NBEAL1: variants seen among roughly 807,000 people sequenced by gnomAD.
NBEAL1 encodes the protein neurobeachin-like protein 1.
A neutral mutation model predicts 351.3 loss-of-function variants in NBEAL1; 273 were observed. The ratio of observed to expected loss-of-function variants is 0.78; its 90% CI spans 0.70 to 0.86. The LOEUF is 0.86. NBEAL1 is among the 40% of genes least tolerant of loss of function. NBEAL1 has a pLI of 0.00. For missense variants in NBEAL1, 2,961 were observed against 3,201.3 expected (o/e 0.92, Z 1.81); for synonymous variants, 1,050 against 1,086.4 (o/e 0.97, Z 0.66).
chr2:203,048,492 G>T (rs564692045), intron 3 of NBEAL1, among the ~76,000 whole-genome samples: 1 of 152,192 alleles, frequency 6.6e-6, no homozygotes, highest in East Asian at 1.9e-4. Context: ...AGGGAGGGAG[G>T]TATTCTCTGG....
At chr2:203,116,551 G>A (rs908238543) in intron 18 of NBEAL1, among the ~76,000 whole-genome samples, 4 of 151,240 alleles carry the variant, frequency 2.6e-5, no homozygotes, top group African/African-American at 9.7e-5. Flanking sequence ...CAGGTGGATC[G>A]TTTGAGGCCA....
intron 7 of NBEAL1, among the ~76,000 whole-genome samples, chr2:203,072,092 C>A (rs990682596): frequency 5.9e-5 from 9 of 152,206 alleles, no homozygotes; most frequent in African/African-American, 1.9e-4. Context: ...GAGGAAACAG[C>A]CTTGCCTCCT....
chr2:203,188,662 T>A, intron 45 of NBEAL1, 73 bp downstream of exon 45: 1 of 791,046 alleles, frequency 1.3e-6, no homozygotes, highest in Non-Finnish European at 2.0e-6. Flanking sequence ...TTACAGTTAT[T>A]TGAAGCCTAT....
At chr2:203,191,472 A>T in intron 46 of NBEAL1, 1 of 496,582 alleles carries the variant, frequency 2.0e-6, no homozygotes, top group South Asian at 3.3e-5. Flanking sequence ...ATGGAAATTA[A>T]TCTAATGGTA....
At chr2:203,194,963 C>T (rs1295344353) in intron 47 of NBEAL1, among the ~76,000 whole-genome samples, 3 of 151,986 alleles carry the variant, frequency 2.0e-5, no homozygotes, top group Admixed American at 1.3e-4. Flanking sequence ...TTTGGGAGGC[C>T]GAGACCGGCA....
At chr2:203,044,407 T>C (rs2061193697) in intron 3 of NBEAL1, among the ~76,000 whole-genome samples, 1 of 152,318 alleles carries the variant, frequency 6.6e-6, no homozygotes, top group South Asian at 2.1e-4. Context: ...AAGAATTTTA[T>C]AGAGTTAGGA....
rs563113810 is a variant in NBEAL1 at position 203,184,065 on chromosome 2, G to A, written c.6705+677G>A. Among the ~76,000 whole-genome samples the A allele has an allele frequency of 2.7e-3, 356 of 132,864 alleles. 1 individual carries two copies. Among genetic ancestry groups the A allele is most frequent in the Non-Finnish European group, 4.1e-3 (264 of 64,414 alleles). The allele number at this position is 132,864 out of a possible 152,430, so 87.2% of individuals were successfully genotyped here. On this transcript the variant is annotated intron_variant, in intron 44 of 55. Coordinates refer to ENST00000683969, the MANE Select transcript of NBEAL1 (RefSeq NM_001378026.1). ...TGCATTCCAGCCCAGGCGACAGAGCGAGACTGTCTAAAAAAAAAAAAAAAA... is the reference window on the plus strand; with the variant it reads ...TGCATTCCAGCCCAGGCGACAGAGCAAGACTGTCTAAAAAAAAAAAAAAAA...
intron 4 of NBEAL1, 40 bp from the exon 5 acceptor site, chr2:203,056,387 C>T (rs2061401992): frequency 1.8e-6 from 2 of 1,087,998 alleles, no homozygotes; most frequent in Non-Finnish European, 2.8e-6. Flanking sequence ...GTTTTGTTCA[C>T]CATTCTTATG....
rs550909332 is a variant in NBEAL1 at position 203,202,124 on chromosome 2, T to A, written c.7411+409T>A. On this transcript the variant is annotated intron_variant, in intron 50 of 55. Coordinates refer to ENST00000683969, the MANE Select transcript of NBEAL1 (RefSeq NM_001378026.1). ...AACTTGCTACTTCTTAGTGTATTAG[T>A]CTTCAATATAAGAATAAAACATTGA... Among the ~76,000 whole-genome samples the A allele has an allele frequency of 1.1e-4, 16 of 152,348 alleles. No individual in the cohort carries two copies. In the South Asian group the frequency reaches 3.3e-3, roughly 32 times the overall value.
At chr2:203,042,451 C>T (rs1162187194) in intron 3 of NBEAL1, among the ~76,000 whole-genome samples, 1 of 152,176 alleles carries the variant, frequency 6.6e-6, no homozygotes. Context: ...GGAAGCTCTT[C>T]AAGTTTTGGG....
At position 203,097,646 on chromosome 2, in the gene NBEAL1, C is replaced by A. The variant is rs760758089; in HGVS notation, c.1185+13C>A. 1 of 979,666 alleles carries A rather than the reference C, an allele frequency of 1.0e-6. No individual in the cohort carries two copies. 60.7% of individuals were successfully genotyped at this position (979,666 alleles called of 1,614,324 possible). A position where few individuals can be genotyped will look rare whatever the true frequency, so the allele number is the denominator to read the frequency against. Reference sequence around the variant, plus strand: ...GAATGAGGACCAGGTATCTACAAAGCCTGCATCTTGTTTCAGCTGAAGTCC... The same window carrying A: ...GAATGAGGACCAGGTATCTACAAAGACTGCATCTTGTTTCAGCTGAAGTCC... On this transcript the variant is annotated intron_variant, in intron 11 of 55. Coordinates refer to ENST00000683969, the MANE Select transcript of NBEAL1 (RefSeq NM_001378026.1).
chr2:203,148,906 C>A, intron 33 of NBEAL1, 85 bp from the exon 34 acceptor site: 2 of 1,253,664 alleles, frequency 1.6e-6, no homozygotes, highest in Non-Finnish European at 1.0e-6. Context: ...TTTTATTGGT[C>A]AAAAATTTTA....
At chr2:203,187,520 AC>A (rs2064939022) in intron 44 of NBEAL1, among the ~76,000 whole-genome samples, 1 of 151,274 alleles carries the variant, frequency 6.6e-6, no homozygotes, top group South Asian at 2.1e-4. Context: ...CGGGTGGATC[AC>A]CTGAGGTCAG....
intron 15 of NBEAL1, among the ~76,000 whole-genome samples, chr2:203,110,565 T>C (rs1489896992): frequency 6.6e-6 from 1 of 151,264 alleles, no homozygotes; most frequent in Non-Finnish European, 1.5e-5. Flanking sequence ...TCCCAGCCAC[T>C]TGGGAGGCTG....
rs368724971 is a variant in NBEAL1 at position 203,017,418 on chromosome 2, A to G, written c.51+983A>G. The stretch of plus-strand genomic sequence containing the variant: ...TTTCTTTGACTTCCTGGTTTGATAT[A>G]TATTATAATTGCTAAAGGACATACA... On this transcript the variant is annotated intron_variant, in intron 2 of 55. Coordinates refer to ENST00000683969, the MANE Select transcript of NBEAL1 (RefSeq NM_001378026.1). 2.6e-5 allele frequency among the ~76,000 whole-genome samples: 4 copies of G among 152,308 alleles called. No individual in the cohort carries two copies. The East Asian group carries it at 7.7e-4, about 29-fold the overall frequency.
chr2:203,206,412 TTCCCTC>T (rs1432393702), intron 51 of NBEAL1, among the ~76,000 whole-genome samples: 1 of 151,688 alleles, frequency 6.6e-6, no homozygotes, highest in Non-Finnish European at 1.5e-5. Flanking sequence ...CTCTGTCCCT[TTCCCTC>T]TCCCTCTCTC....
At position 203,126,715 on chromosome 2, in the gene NBEAL1, C is replaced by T. The variant is rs375608061; in HGVS notation, c.3144C>T (p.Ile1048=). Residue 1048 remains isoleucine (I), a splice_region_variant and synonymous_variant, in exon 22 of 56, where the codon ATC becomes ATT. Coordinates refer to ENST00000683969, the MANE Select transcript of NBEAL1 (RefSeq NM_001378026.1). ...IWNRGDFPFR[I]GHIQYLSTII... The stretch of plus-strand genomic sequence containing the variant: ...ACCGTGGAGATTTTCCCTTTCGAAT[C>T]GGTGAGAGCAGGCTTTCAGATAAAC... The T allele has an allele frequency of 3.4e-5, 51 of 1,503,130 alleles. No homozygotes were observed. The highest frequency in any genetic ancestry group is 2.5e-4 in the South Asian group (19 of 75,176). The allele number at this position is 1,503,130 out of a possible 1,614,324, so 93.1% of individuals were successfully genotyped here. A position where few individuals can be genotyped will look rare whatever the true frequency, so the allele number is the denominator to read the frequency against.
intron 44 of NBEAL1, among the ~76,000 whole-genome samples, chr2:203,185,099 A>G (rs1670303260): frequency 6.6e-6 from 1 of 152,178 alleles, no homozygotes; most frequent in African/African-American, 2.4e-5. Flanking sequence ...CATTAGTCCA[A>G]GGTTGAACAG....
intron 38 of NBEAL1, among the ~76,000 whole-genome samples, chr2:203,168,893 CAAA>C (rs35683401): frequency 1.0e-5 from 1 of 97,286 alleles, no homozygotes; most frequent in South Asian, 3.8e-4. Flanking sequence ...GACTCCATCT[CAAA>C]AAAAAAAAAA....
Sources: allele counts gnomAD v4.1 joint callset (sites outside exome capture counted in the v4.1 genomes callset), GRCh38; gene constraint gnomAD v4.1.1; transcripts MANE v1.5; gene names NCBI Gene and HGNC (gene_info 2026-07-23, HGNC 2026-07-21).